The following GTPBP10 variants were observed in gnomAD, a reference collection of about 807,000 sequenced individuals.
GTPBP10 encodes GTP binding protein 10.
In GTPBP10, 38 loss-of-function variants were observed where a neutral mutation model predicts 44.8. The observed-to-expected ratio is 0.85, with a 90% CI of 0.65 to 1.11. The LOEUF (loss-of-function observed/expected upper bound fraction) is 1.11. Ranked by LOEUF, GTPBP10 falls within the 50% of genes most tolerant of loss-of-function variation. The pLI, the probability that GTPBP10 is intolerant of heterozygous loss-of-function variation, is 0.00. For synonymous variants in GTPBP10, 152 were observed against 150.6 expected, an observed-to-expected ratio of 1.01 and a Z score of -0.07; for missense variants, 462 against 453.7, an observed-to-expected ratio of 1.02 and a Z score of -0.17.
chr7:90,357,316 T>C (rs1273642309), intron 4 of GTPBP10, among the ~76,000 whole-genome samples: 1 of 152,144 alleles, frequency 6.6e-6, no homozygotes, highest in East Asian at 1.9e-4. Context: ...TATGAGGATG[T>C]TGGAAACAAG....
At chr7:90,353,055 C>T in intron 2 of GTPBP10, 46 bp downstream of exon 2, 1 of 1,317,798 alleles carries the variant, frequency 7.6e-7, no homozygotes, top group Non-Finnish European at 1.0e-6. Context: ...TCAAACCCTT[C>T]TGGAAATTTT....
chr7:90,369,721 TG>T (rs1164312438), intron 4 of GTPBP10, among the ~76,000 whole-genome samples: 7 of 152,150 alleles, frequency 4.6e-5, no homozygotes, highest in Admixed American at 4.6e-4. Flanking sequence ...AGGTACAGAC[TG>T]TCACGACTTC....
In GTPBP10 at chr7:90,388,096, T is replaced by C. The variant is rs1436916008; in HGVS notation, c.*2942T>C. On this transcript the variant is annotated 3_prime_UTR_variant, in exon 10 of 10. Coordinates refer to ENST00000222511, the MANE Select transcript of GTPBP10 (RefSeq NM_033107.4). The stretch of plus-strand genomic sequence containing the variant: ...TTTTATTATGTGACTCACTAAGATG[T>C]TCAATTCATTAGTATTTTCTGGTTA... 6.6e-6 allele frequency: 1 copy of C among 152,182 alleles called. No individual in the cohort carries two copies. Among genetic ancestry groups the C allele is most frequent in the African/African-American group, 2.4e-5 (1 of 41,444 alleles). 9.4% of individuals were successfully genotyped at this position (152,182 alleles called of 1,614,324 possible).
intron 5 of GTPBP10, among the ~76,000 whole-genome samples, chr7:90,373,200 G>A (rs1796290106): frequency 6.6e-6 from 1 of 152,130 alleles, no homozygotes; most frequent in South Asian, 2.1e-4. Context: ...ATGTCACATA[G>A]ACCATTTAGG....
intron 6 of GTPBP10, among the ~76,000 whole-genome samples, chr7:90,374,982 T>G (rs1254439772): frequency 6.6e-6 from 1 of 152,208 alleles, no homozygotes; most frequent in Non-Finnish European, 1.5e-5. Context: ...CCAAGATATC[T>G]TTCAGTAGGT....
intron 4 of GTPBP10, among the ~76,000 whole-genome samples, chr7:90,356,187 T>C (rs1160188047): frequency 6.6e-6 from 1 of 152,182 alleles, no homozygotes; most frequent in Non-Finnish European, 1.5e-5. Context: ...CCTCGTCTTT[T>C]GCCCTGCCTG....
At chr7:90,351,878 A>G (rs1795797372) in intron 1 of GTPBP10, among the ~76,000 whole-genome samples, 1 of 152,022 alleles carries the variant, frequency 6.6e-6, no homozygotes, top group African/African-American at 2.4e-5. Flanking sequence ...TTGTATTTTT[A>G]GTAGAGACAG....
chr7:90,371,460 A>G (rs907890417), intron 4 of GTPBP10, among the ~76,000 whole-genome samples: 1 of 152,194 alleles, frequency 6.6e-6, no homozygotes, highest in African/African-American at 2.4e-5. Flanking sequence ...TTTTGCAGAC[A>G]ATAGAGGGAA....
In GTPBP10 at chr7:90,346,751, T is replaced by G. The variant is rs370243062; in HGVS notation, c.10T>G (p.Cys4Gly). 8 of 1,614,138 alleles carry G rather than the reference T, an allele frequency of 5.0e-6. No homozygotes were observed. The highest frequency in any genetic ancestry group is 5.9e-6 in the Non-Finnish European group (7 of 1,180,042). Reference protein sequence around the residue: MVHCSCVLFRKYGN... With the variant: MVHGSCVLFRKYGN... The stretch of plus-strand genomic sequence containing the variant: ...CTGGCCTGTTGCAGCCATGGTGCAT[T>G]GCAGTTGCGTGTTGTTCAGAAAGGT... Residue 4 changes from cysteine to glycine, a missense_variant, in exon 1 of 10, where the codon TGC becomes GGC. Coordinates refer to ENST00000222511, the MANE Select transcript of GTPBP10 (RefSeq NM_033107.4).
At position 90,364,136 on chromosome 7, in the gene GTPBP10, A is replaced by G. The variant is rs530193755; in HGVS notation, c.465-8019A>G. Among the ~76,000 whole-genome samples, 16 of 152,250 alleles carry G rather than the reference A, an allele frequency of 1.1e-4. 1 individual carries two copies. In the South Asian group the frequency reaches 3.1e-3, roughly 30 times the overall value. On this transcript the variant is annotated intron_variant, in intron 4 of 9. Coordinates refer to ENST00000222511, the MANE Select transcript of GTPBP10 (RefSeq NM_033107.4). The stretch of plus-strand genomic sequence containing the variant: ...ATCTGAAGCCTTCTTCTCTCAACTC[A>G]TCAAAGTCATTCTCTGTCCAGCTTT...
intron 4 of GTPBP10, among the ~76,000 whole-genome samples, chr7:90,368,262 C>A (rs889560818): frequency 6.6e-6 from 1 of 152,004 alleles, no homozygotes; most frequent in African/African-American, 2.4e-5. Context: ...ATGTGTCTTG[C>A]GGTTGCTCTT....
intron 5 of GTPBP10, 146 bp downstream of exon 5, chr7:90,372,374 A>G: frequency 1.7e-6 from 1 of 572,124 alleles, no homozygotes. Flanking sequence ...CACAGGCCAA[A>G]GTGCAGTTGC....
At chr7:90,384,204 T>C (rs944099020) in intron 9 of GTPBP10, among the ~76,000 whole-genome samples, 2 of 152,208 alleles carry the variant, frequency 1.3e-5, no homozygotes, top group African/African-American at 4.8e-5. Flanking sequence ...CTTTTGAATC[T>C]CAGAAAGTAA....
At chr7:90,364,452 A>G (rs1014868084) in intron 4 of GTPBP10, among the ~76,000 whole-genome samples, 3 of 152,138 alleles carry the variant, frequency 2.0e-5, no homozygotes, top group African/African-American at 7.2e-5. Flanking sequence ...AACAGTGAAT[A>G]TTGCTGAACA....
intron 5 of GTPBP10, among the ~76,000 whole-genome samples, chr7:90,373,619 T>C (rs1465576677): frequency 1.3e-5 from 2 of 152,132 alleles, no homozygotes; most frequent in Non-Finnish European, 2.9e-5. Context: ...TAGCGTAGGA[T>C]TGATGAGGCT....
intron 4 of GTPBP10, among the ~76,000 whole-genome samples, chr7:90,363,181 T>G (rs1479136771): frequency 2.0e-5 from 3 of 152,200 alleles, no homozygotes; most frequent in African/African-American, 4.8e-5. Context: ...GTCATTATGA[T>G]GTTAGCTGGT....
intron 8 of GTPBP10, among the ~76,000 whole-genome samples, chr7:90,378,804 G>A (rs189899933): frequency 2.6e-5 from 4 of 152,258 alleles, no homozygotes; most frequent in East Asian, 1.9e-4. Context: ...CCGGGCTCAA[G>A]TGATTCTCCT....
At chr7:90,358,469 C>G (rs1455526168) in intron 4 of GTPBP10, among the ~76,000 whole-genome samples, 1 of 152,054 alleles carries the variant, frequency 6.6e-6, no homozygotes, top group African/African-American at 2.4e-5. Context: ...AAACCAAATA[C>G]TTAAGACCAA....
chr7:90,349,799 T>C (rs1216657107), intron 1 of GTPBP10, among the ~76,000 whole-genome samples: 1 of 152,192 alleles, frequency 6.6e-6, no homozygotes, highest in Non-Finnish European at 1.5e-5. Flanking sequence ...TTGGGAGATA[T>C]TCTTTCGTCT....
Sources: gnomAD v4.1 joint callset for allele counts (sites outside exome capture counted in the v4.1 genomes callset) on GRCh38, gnomAD v4.1.1 for gene constraint, MANE v1.5 for transcripts, NCBI Gene and HGNC (gene_info 2026-07-23, HGNC 2026-07-21) for gene names.